Variants in PMFBP1 observed in about 807,000 individuals in gnomAD.
PMFBP1 encodes polyamine modulated factor 1 binding protein 1, also known as polyamine-modulated factor 1-binding protein 1.
A neutral mutation model predicts 137.8 loss-of-function variants in PMFBP1; 131 were observed. The ratio of observed to expected loss-of-function variants is 0.95; its 90% CI spans 0.82 to 1.10. The LOEUF is 1.10. PMFBP1 is among the 50% of genes least tolerant of loss of function. The probability of loss-of-function intolerance (pLI) is 0.00; values close to 1 mark genes in which losing one functional copy is unlikely to be tolerated. For synonymous variants in PMFBP1, 490 were observed against 450.4 expected, an observed-to-expected ratio of 1.09 and a Z score of -1.11; for missense variants, 1,199 against 1,175.4, an observed-to-expected ratio of 1.02 and a Z score of -0.29.
At chr16:72,199,547 G>A in the PMFBP1 span, among the ~76,000 whole-genome samples, 37 of 151,596 alleles carry the variant, frequency 2.4e-4, no homozygotes, top group Non-Finnish European at 4.7e-4. Flanking sequence ...CCAGCTACTC[G>A]GGAGGCTGAG....
At chr16:72,129,315 G>T (rs1017181758) in intron 12 of PMFBP1, 82 bp from the exon 13 acceptor site, 2 of 1,447,822 alleles carry the variant, frequency 1.4e-6, no homozygotes, top group African/African-American at 2.8e-5. Flanking sequence ...TGCACACAGG[G>T]CATGGCTGAG....
chr16:72,128,631 C>A, intron 14 of PMFBP1, 26 bp downstream of exon 14: 4 of 1,614,044 alleles, frequency 2.5e-6, no homozygotes, highest in Non-Finnish European at 3.4e-6. Flanking sequence ...AAATTCCTCA[C>A]TCCCTTGGGG....
At chr16:72,197,263 AGAAAGCACTGG>A in the PMFBP1 span, among the ~76,000 whole-genome samples, 2 of 152,130 alleles carry the variant, frequency 1.3e-5, no homozygotes, top group Admixed American at 1.3e-4. Flanking sequence ...CTTCTGATAG[AGAAAGCACTGG>A]GGAATCTTTT....
intron 3 of PMFBP1, 133 bp from the exon 4 acceptor site, chr16:72,154,592 A>C: frequency 9.4e-7 from 1 of 1,059,256 alleles, no homozygotes; most frequent in South Asian, 1.7e-5. Context: ...ATCTACAGAG[A>C]TCTTATTAAA....
At chr16:72,203,763 G>A in the PMFBP1 span, among the ~76,000 whole-genome samples, 1 of 152,180 alleles carries the variant, frequency 6.6e-6, no homozygotes, top group Non-Finnish European at 1.5e-5. Context: ...AGCTCTCCTG[G>A]TAATTTTGTA....
chr16:72,236,342 C>G, the PMFBP1 span, among the ~76,000 whole-genome samples: 1 of 152,190 alleles, frequency 6.6e-6, no homozygotes, highest in East Asian at 1.9e-4. Flanking sequence ...GGATAGGAAA[C>G]AAAATGTTAC....
intron 12 of PMFBP1, 138 bp from the exon 13 acceptor site, chr16:72,129,371 A>C (rs1404195524): frequency 9.1e-6 from 9 of 991,280 alleles, no homozygotes; most frequent in Non-Finnish European, 1.3e-5. Flanking sequence ...ATGTAAAATA[A>C]AAGGTTTCCT....
chr16:72,201,985 G>A, the PMFBP1 span, among the ~76,000 whole-genome samples: 2 of 152,152 alleles, frequency 1.3e-5, no homozygotes, highest in Non-Finnish European at 2.9e-5. Context: ...TATTTCACTT[G>A]CTACCTTGTA....
At chr16:72,191,357 G>C in the PMFBP1 span, among the ~76,000 whole-genome samples, 4 of 152,188 alleles carry the variant, frequency 2.6e-5, no homozygotes, top group African/African-American at 9.6e-5. Flanking sequence ...TCTTCTTCCA[G>C]AAAGGTCAGG....
intron 16 of PMFBP1, 62 bp from the exon 17 acceptor site, chr16:72,124,996 C>CA: frequency 6.3e-6 from 10 of 1,585,184 alleles, no homozygotes; most frequent in Non-Finnish European, 8.6e-6. Context: ...GCAGGACCCA[C>CA]AAGGCCAGAG....
chr16:72,209,434 TTATC>T, the PMFBP1 span, among the ~76,000 whole-genome samples: 1 of 152,208 alleles, frequency 6.6e-6, no homozygotes, highest in East Asian at 1.9e-4. Flanking sequence ...TCATATATAG[TTATC>T]TATATATCAT....
the PMFBP1 span, among the ~76,000 whole-genome samples, chr16:72,224,353 T>G: frequency 1.9e-4 from 29 of 152,302 alleles, no homozygotes; most frequent in African/African-American, 6.0e-4. Flanking sequence ...ACTGCCAGAT[T>G]GTCTTACAGC....
Position 72,171,260 on chromosome 16 carries a change from G to C in PMFBP1, c.-52C>G. On this transcript the variant is annotated 5_prime_UTR_variant, in exon 2 of 21. Coordinates refer to ENST00000237353, the MANE Select transcript of PMFBP1 (RefSeq NM_031293.3). ...TAACCTTTAGTATTTTCTGAGCTTT[G>C]TTATAAACCTGAAAAAGTCCAAGTA... 2 of 1,593,308 alleles carry C rather than the reference G, an allele frequency of 1.3e-6. No individual in the cohort carries two copies. Among genetic ancestry groups the C allele is most frequent in the South Asian group, 1.1e-5 (1 of 90,548 alleles).
intron 18 of PMFBP1, among the ~76,000 whole-genome samples, chr16:72,123,331 G>A (rs1037575858): frequency 6.6e-6 from 1 of 152,150 alleles, no homozygotes; most frequent in Admixed American, 6.5e-5. Flanking sequence ...CTTCCTTCCT[G>A]CCATCGCTGT....
rs915825271 is a variant in PMFBP1 at position 72,171,135 on chromosome 16, TG to T, written c.12+61del. On this transcript the variant is annotated intron_variant, in intron 2 of 20. Coordinates refer to ENST00000237353, the MANE Select transcript of PMFBP1 (RefSeq NM_031293.3). ...TACTGGAATTTTGAATCATAAAACA[TG>T]AAAAAAGTCCCTTGTAATGAATATT... The T allele has an allele frequency of 2.6e-6, 4 of 1,558,778 alleles. No homozygotes were observed. The Admixed American group carries it at 6.9e-5, about 27-fold the overall frequency.
the PMFBP1 span, among the ~76,000 whole-genome samples, chr16:72,231,115 G>A: frequency 1.3e-5 from 2 of 152,152 alleles, no homozygotes; most frequent in African/African-American, 4.8e-5. Context: ...GGATTGTGCA[G>A]AGATGATGTG....
At chr16:72,226,758 T>C in the PMFBP1 span, among the ~76,000 whole-genome samples, 1 of 152,116 alleles carries the variant, frequency 6.6e-6, no homozygotes, top group Admixed American at 6.5e-5. Flanking sequence ...AACAATATTC[T>C]AGAGATTCGC....
chr16:72,218,827 G>A, the PMFBP1 span, among the ~76,000 whole-genome samples: 1 of 152,174 alleles, frequency 6.6e-6, no homozygotes, highest in Non-Finnish European at 1.5e-5. Context: ...TAAACCTTCA[G>A]GGAAAAGGTT....
At chr16:72,232,749 A>G in the PMFBP1 span, among the ~76,000 whole-genome samples, 4 of 152,178 alleles carry the variant, frequency 2.6e-5, no homozygotes, top group Admixed American at 2.6e-4. Flanking sequence ...TGGAGGAGTG[A>G]AGACTTCAGG....
Sources: allele counts gnomAD v4.1 joint callset (sites outside exome capture counted in the v4.1 genomes callset), GRCh38; gene constraint gnomAD v4.1.1; transcripts MANE v1.5; gene names NCBI Gene and HGNC (gene_info 2026-07-23, HGNC 2026-07-21).